Variants in HECA observed in about 807,000 individuals in gnomAD.
The protein encoded by HECA is headcase protein homolog.
A neutral mutation model predicts 37.6 loss-of-function variants in HECA; 13 were observed. The ratio of observed to expected loss-of-function variants is 0.35; its 90% CI spans 0.23 to 0.55. The LOEUF (loss-of-function observed/expected upper bound fraction) is 0.55. HECA is among the 20% of genes least tolerant of loss of function. The probability of loss-of-function intolerance (pLI) is 0.90; values close to 1 mark genes in which losing one functional copy is unlikely to be tolerated. For missense variants in HECA, 527 were observed against 701.9 expected, an observed-to-expected ratio of 0.75 and a Z score of 2.82; for synonymous variants, 307 against 291.5, an observed-to-expected ratio of 1.05 and a Z score of -0.54.
rs1774843472 is a variant in HECA, at chr6:139,163,941, G to C, written c.272-2343G>C. Among the ~76,000 whole-genome samples the C allele has an allele frequency of 2.0e-5, 3 of 152,026 alleles. No homozygotes were observed. In the South Asian group the frequency reaches 6.2e-4, roughly 32 times the overall value. ...AATTCATGTCTCCTCCACCTCAGTG[G>C]TACACAGGCACTTCTAAATCAGTGG... is the stretch of plus-strand genomic sequence containing the variant. On this transcript the variant is annotated intron_variant, in intron 1 of 3. Coordinates refer to ENST00000367658, the MANE Select transcript of HECA (RefSeq NM_016217.3).
At position 139,135,389 on chromosome 6, in the gene HECA, C is replaced by T. The variant is rs1179834631; in HGVS notation, c.-8C>T. On this transcript the variant is annotated 5_prime_UTR_variant, in exon 1 of 4. Transcript: ENST00000367658. ...CGCCGGGCACCTACCTGGACGCGAG[C>T]GAGCGAGATGCCCAACCCCAAAAAC... is the stretch of plus-strand genomic sequence containing the variant. 30 of 1,369,570 alleles carry T rather than the reference C, an allele frequency of 2.2e-5. No individual in the cohort carries two copies. The highest frequency in any genetic ancestry group is 2.7e-5 in the Non-Finnish European group (28 of 1,038,960). The allele number at this position is 1,369,570 out of a possible 1,614,324, so 84.8% of individuals were successfully genotyped here. A position where few individuals can be genotyped will look rare whatever the true frequency, so the allele number is the denominator to read the frequency against.
At chr6:139,147,519 G>C (rs1047859077) in intron 1 of HECA, among the ~76,000 whole-genome samples, 1 of 152,108 alleles carries the variant, frequency 6.6e-6, no homozygotes, top group African/African-American at 2.4e-5. Context: ...CAGCTACTCG[G>C]GAGGCTGAGG....
chr6:139,164,507 A>G (rs549056752), intron 1 of HECA, among the ~76,000 whole-genome samples: 3 of 152,240 alleles, frequency 2.0e-5, no homozygotes, highest in African/African-American at 7.2e-5. Flanking sequence ...AGATGCCAGT[A>G]GTGCCCTCAT....
chr6:139,150,253 G>C (rs541288208), intron 1 of HECA, among the ~76,000 whole-genome samples: 25 of 152,310 alleles, frequency 1.6e-4, no homozygotes, highest in African/African-American at 5.5e-4. Context: ...AACAGTTTCT[G>C]TGGGTATGAA....
intron 1 of HECA, among the ~76,000 whole-genome samples, chr6:139,137,560 G>T (rs574607711): frequency 2.0e-5 from 3 of 151,628 alleles, no homozygotes; most frequent in African/African-American, 7.3e-5. Context: ...GAGACATCCC[G>T]GTCCTCAGGG....
rs767636851 is a variant in HECA, at chr6:139,177,063, C to T, written c.1590C>T (p.Phe530=). 31 of 864,380 alleles carry T rather than the reference C, an allele frequency of 3.6e-5. No homozygotes were observed. The highest frequency in any genetic ancestry group is 1.4e-4 in the Admixed American group (8 of 59,066). 53.5% of individuals were successfully genotyped at this position (864,380 alleles called of 1,614,324 possible). The change falls in exon 4 of 4, where the codon TTC becomes TTT. Residue 530 remains phenylalanine, a synonymous_variant. Coordinates refer to ENST00000367658, the MANE Select transcript of HECA (RefSeq NM_016217.3). The surrounding 1 kb of genome is among the most constrained non-coding windows in gnomAD (Gnocchi z 4.9). ...ACTGTGGGAACCTGGACTACCACTT[C>T]GTGAAGCCATTTTCCTCCTTCAAAG... The part of the protein sequence containing the change: ...CPHCGNLDYH[F]VKPFSSFKVL...
At position 139,166,267 on chromosome 6, in the gene HECA, C is replaced by G; in HGVS notation, c.272-17C>G. ...TCCAAAAATCTGAAATCTGTTCTCT[C>G]TTTATTCCTCCCCCAGAAGCCCCAT... On this transcript the variant is annotated splice_polypyrimidine_tract_variant and intron_variant, in intron 1 of 3. Coordinates refer to ENST00000367658, the MANE Select transcript of HECA (RefSeq NM_016217.3). 1.9e-6 allele frequency: 3 copies of G among 1,573,518 alleles called. No individual in the cohort carries two copies. Among genetic ancestry groups the G allele is most frequent in the Non-Finnish European group, 2.6e-6 (3 of 1,158,362 alleles).
At chr6:139,168,567 C>G (rs555904204) in intron 2 of HECA, among the ~76,000 whole-genome samples, 1 of 152,026 alleles carries the variant, frequency 6.6e-6, no homozygotes, top group African/African-American at 2.4e-5. Context: ...CGTGGAGACT[C>G]TTACCCTCCT....
In HECA at chr6:139,177,121, A is replaced by C. The variant is rs1432468475; in HGVS notation, c.*16A>C. On this transcript the variant is annotated 3_prime_UTR_variant, in exon 4 of 4. Transcript: ENST00000367658. This position sits in a 1 kb window ranked among gnomAD's most constrained non-coding sequence, Gnocchi z 4.9. ...AGCTTATTGATGAAAGCTTTGCTTT[A>C]GTAATAGCTATTTTATTGATATTAT... 1 of 833,948 alleles carries C rather than the reference A, an allele frequency of 1.2e-6. No individual in the cohort carries two copies. The highest frequency in any genetic ancestry group is 1.7e-5 in the African/African-American group (1 of 60,344). 51.7% of individuals were successfully genotyped at this position (833,948 alleles called of 1,614,324 possible). A position where few individuals can be genotyped will look rare whatever the true frequency, so the allele number is the denominator to read the frequency against.
intron 1 of HECA, among the ~76,000 whole-genome samples, chr6:139,149,551 C>G (rs1257294100): frequency 6.6e-6 from 1 of 152,176 alleles, no homozygotes; most frequent in Non-Finnish European, 1.5e-5. Context: ...GTTGGAAGAA[C>G]CAGTGCAGAT....
At chr6:139,143,471 T>C (rs1343331560) in intron 1 of HECA, among the ~76,000 whole-genome samples, 1 of 152,244 alleles carries the variant, frequency 6.6e-6, no homozygotes, top group Admixed American at 6.5e-5. Context: ...CCCCATCTTC[T>C]CTTTCTTATC....
chr6:139,161,527 A>G (rs528087103), intron 1 of HECA, among the ~76,000 whole-genome samples: 17 of 152,332 alleles, frequency 1.1e-4, no homozygotes, highest in African/African-American at 4.1e-4. Context: ...CTGTTAGACC[A>G]TTAGAGCTCT....
chr6:139,157,350 A>G lies in HECA; in HGVS notation c.272-8934A>G, dbSNP rs537255057. 2.6e-5 allele frequency among the ~76,000 whole-genome samples: 4 copies of G among 152,314 alleles called. No individual in the cohort carries two copies. In the South Asian group the frequency reaches 6.2e-4, roughly 24 times the overall value. The stretch of plus-strand genomic sequence containing the variant: ...TCCTGTCTCATCATGTGACTTAACT[A>G]TCTGGGAATGCAGCCCAGTAGGTTT... On this transcript the variant is annotated intron_variant, in intron 1 of 3. Coordinates refer to ENST00000367658, the MANE Select transcript of HECA (RefSeq NM_016217.3).
At chr6:139,168,793 T>C (rs1000112450) in intron 2 of HECA, among the ~76,000 whole-genome samples, 2 of 152,242 alleles carry the variant, frequency 1.3e-5, no homozygotes, top group African/African-American at 4.8e-5. Context: ...TTTCAACGTC[T>C]GAGAATATCC....
chr6:139,163,011 A>T (rs1277332955), intron 1 of HECA, among the ~76,000 whole-genome samples: 8 of 151,896 alleles, frequency 5.3e-5, no homozygotes, highest in Non-Finnish European at 1.0e-4. Flanking sequence ...TTTTCACCTC[A>T]CTGTCTACCT....
chr6:139,167,387 A>G, intron 2 of HECA, 63 bp downstream of exon 2: 3 of 1,310,620 alleles, frequency 2.3e-6, no homozygotes, highest in Non-Finnish European at 3.2e-6. Flanking sequence ...CAAACAAGAC[A>G]GATTGCTCTA....
chr6:139,157,817 G>A (rs938980886), intron 1 of HECA, among the ~76,000 whole-genome samples: 12 of 152,248 alleles, frequency 7.9e-5, no homozygotes, highest in Admixed American at 3.9e-4. Context: ...GGATTGAGGC[G>A]AGGCACAGGT....
intron 1 of HECA, among the ~76,000 whole-genome samples, chr6:139,136,351 C>T (rs1774436391): frequency 6.6e-6 from 1 of 151,596 alleles, no homozygotes; most frequent in Non-Finnish European, 1.5e-5. Flanking sequence ...AAGGAAGCCT[C>T]ATAATCTTAG....
rs751085471 is a variant in HECA, at chr6:139,167,026, C to T, written c.1014C>T (p.Asp338=). The change falls in exon 2 of 4, where the codon GAC becomes GAT. Residue 338 remains aspartate, a synonymous_variant. Transcript: ENST00000367658. ...CAGTTCACAGGGGGGGACACTTCGA[C>T]ACCCCCGTGCAGTTCCTTCGGCGGC... The part of the protein sequence containing the change: ...GLAVHRGGHF[D]TPVQFLRRLD... 2 of 1,614,084 alleles carry T rather than the reference C, an allele frequency of 1.2e-6. No individual in the cohort carries two copies. The highest frequency in any genetic ancestry group is 1.3e-5 in the African/African-American group (1 of 74,940).
Sources: allele counts gnomAD v4.1 joint callset (sites outside exome capture counted in the v4.1 genomes callset), GRCh38; gene constraint gnomAD v4.1.1; non-coding constraint Gnocchi (gnomAD v3.1); transcripts MANE v1.5; gene names NCBI Gene and HGNC (gene_info 2026-07-23, HGNC 2026-07-21).